The following RGS14 variants were observed in gnomAD, a reference collection of about 807,000 sequenced individuals.
RGS14 encodes regulator of G-protein signaling 14.
RGS14 carries 33 observed loss-of-function variants against 63.8 expected under a neutral mutation model. That is an observed-to-expected ratio of 0.52 (90% CI 0.39 to 0.69). RGS14 has a LOEUF of 0.69. Among genes scored for constraint, RGS14 ranks in the 30% least tolerant of loss-of-function variants. The pLI, the probability that RGS14 is intolerant of heterozygous loss-of-function variation, is 0.00. For synonymous variants in RGS14, 296 were observed against 320.9 expected (o/e 0.92, Z 0.83); for missense variants, 739 against 742.9 (o/e 0.99, Z 0.06).
At chr5:177,360,885 C>A (rs756962141) in intron 1 of RGS14, among the ~76,000 whole-genome samples, 1 of 152,222 alleles carries the variant, frequency 6.6e-6, no homozygotes, top group Non-Finnish European at 1.5e-5. Context: ...TGCACTCCAG[C>A]CTGGCGACAG....
In RGS14 at chr5:177,371,389, G is replaced by A. The variant is rs1581625076; in HGVS notation, c.1376G>A (p.Arg459His). 5.0e-6 allele frequency: 8 copies of A among 1,614,074 alleles called. No individual in the cohort carries two copies. Among genetic ancestry groups the A allele is most frequent in the Non-Finnish European group, 4.2e-6 (5 of 1,179,984 alleles). The change falls in exon 13 of 15, where the codon CGC (arginine) becomes CAC (histidine). Residue 459 changes from arginine to histidine, a missense_variant. Arg to His is a conservative substitution (Grantham distance 29). Coordinates refer to ENST00000408923, the MANE Select transcript of RGS14 (RefSeq NM_006480.5). The surrounding 1 kb of genome is among the most constrained non-coding windows in gnomAD (Gnocchi z 6.1). ...AAAGCCCGTGACAAATCTCCCTGCC[G>A]CAGCCAGGTGAGCGAAAGGCGAGTG... The part of the protein sequence containing the change: ...ISKARDKSPC[R>H]SQGCPPRTQD...
chr5:177,370,772 T>G, intron 10 of RGS14, 108 bp downstream of exon 10: 3 of 1,083,850 alleles, frequency 2.8e-6, no homozygotes, highest in Non-Finnish European at 3.9e-6. Flanking sequence ...GCCCCGCCCC[T>G]GGGACAAACC....
chr5:177,366,369 A>AC lies in RGS14; in HGVS notation c.246+14_246+15insC. The AC allele has an allele frequency of 6.5e-7, 1 of 1,531,812 alleles. No individual in the cohort carries two copies. The allele number at this position is 1,531,812 out of a possible 1,614,324, so 94.9% of individuals were successfully genotyped here. On this transcript the variant is annotated intron_variant, in intron 3 of 14. Coordinates refer to ENST00000408923, the MANE Select transcript of RGS14 (RefSeq NM_006480.5). Reference sequence around the variant, plus strand: ...GCTTACTTCACTGTAAGCCTGGGGTAGGGAAAGGGAAGGGGGGACACGGGA... The same window carrying AC: ...GCTTACTTCACTGTAAGCCTGGGGTACGGGAAAGGGAAGGGGGGACACGGGA...
rs1237249290 is a variant in RGS14 at position 177,364,514 on chromosome 5, G to T, written c.46-1449G>T. 6.6e-6 allele frequency among the ~76,000 whole-genome samples: 1 copy of T among 152,144 alleles called. No individual in the cohort carries two copies. Among genetic ancestry groups the T allele is most frequent in the Admixed American group, 6.5e-5 (1 of 15,278 alleles). On this transcript the variant is annotated intron_variant, in intron 1 of 14. Transcript: ENST00000408923. This position sits in a 1 kb window ranked among gnomAD's most constrained non-coding sequence, Gnocchi z 4.6. ...GGCTGCCTGGCCCTGCCCTCCTCGC[G>T]CACACCCTGAGCCTCTGTCCTGCCC...
In RGS14 at chr5:177,371,075, G is replaced by GGGGCGGGGCGGGGCGGGGCC. The variant is rs1561618740; in HGVS notation, c.1254+48_1254+49insGGGGCGGGGCGGGGCCGGGC. 16 of 176,688 alleles carry GGGGCGGGGCGGGGCGGGGCC rather than the reference G, an allele frequency of 9.1e-5. No homozygotes were observed. The African/African-American group carries it at 1.4e-3, about 16-fold the overall frequency. 10.9% of individuals were successfully genotyped at this position (176,688 alleles called of 1,614,324 possible). A position where few individuals can be genotyped will look rare whatever the true frequency, so the allele number is the denominator to read the frequency against. Reference sequence around the variant, plus strand: ...GGGCGGGGCGGGGCGGGGCCGGGCCGGGGCCGGGGCCGGGGCCGGGGCCGG... The same window carrying GGGGCGGGGCGGGGCGGGGCC: ...GGGCGGGGCGGGGCGGGGCCGGGCCGGGGCGGGGCGGGGCGGGGCCGGGCCGGGGCCGGGGCCGGGGCCGG... On this transcript the variant is annotated intron_variant, in intron 11 of 14. Coordinates refer to ENST00000408923, the MANE Select transcript of RGS14 (RefSeq NM_006480.5). This position sits in a 1 kb window ranked among gnomAD's most constrained non-coding sequence, Gnocchi z 6.1.
rs915637729 is a variant in RGS14, at chr5:177,369,765, G to A, written c.1054-826G>A. On this transcript the variant is annotated intron_variant, in intron 9 of 14. Transcript: ENST00000408923. Reference sequence around the variant, plus strand: ...TCAGGGGCCTGGAGTGCAGGGGTGCGAGGGCAGTAGTGGGAGGCATTTTGC... The same window carrying A: ...TCAGGGGCCTGGAGTGCAGGGGTGCAAGGGCAGTAGTGGGAGGCATTTTGC... 3.9e-5 allele frequency among the ~76,000 whole-genome samples: 6 copies of A among 152,230 alleles called. No individual in the cohort carries two copies. The East Asian group carries it at 5.8e-4, about 15-fold the overall frequency.
rs1437031089 is a variant in RGS14, at chr5:177,358,142, C to G, written c.45+73C>G. On this transcript the variant is annotated intron_variant, in intron 1 of 14. Coordinates refer to ENST00000408923, the MANE Select transcript of RGS14 (RefSeq NM_006480.5). The surrounding 1 kb of genome is among the most constrained non-coding windows in gnomAD (Gnocchi z 4.8). Reference sequence around the variant, plus strand: ...CCAGGGTGGAGCCCAGGAGGCACACCCGGCAGGGCCAGGCAAGAGCCCACG... The same window carrying G: ...CCAGGGTGGAGCCCAGGAGGCACACGCGGCAGGGCCAGGCAAGAGCCCACG... 3.3e-6 allele frequency: 4 copies of G among 1,215,464 alleles called. No individual in the cohort carries two copies. The highest frequency in any genetic ancestry group is 1.6e-5 in the African/African-American group (1 of 63,602). 75.3% of individuals were successfully genotyped at this position (1,215,464 alleles called of 1,614,324 possible). A position where few individuals can be genotyped will look rare whatever the true frequency, so the allele number is the denominator to read the frequency against.
intron 1 of RGS14, 68 bp from the exon 2 acceptor site, chr5:177,365,895 G>C: frequency 4.6e-6 from 7 of 1,524,410 alleles, no homozygotes; most frequent in Non-Finnish European, 5.5e-6. Context: ...CCTGGGAGTC[G>C]GGCCCAGAAC....
At chr5:177,365,531 A>T (rs1478779042) in intron 1 of RGS14, among the ~76,000 whole-genome samples, 2 of 152,192 alleles carry the variant, frequency 1.3e-5, no homozygotes, top group Non-Finnish European at 2.9e-5. Flanking sequence ...AACTGACTTG[A>T]TCTTTACATC....
chr5:177,358,201 C>A lies in RGS14; in HGVS notation c.45+132C>A. 1.4e-6 allele frequency: 1 copy of A among 700,376 alleles called. No homozygotes were observed. Among genetic ancestry groups the A allele is most frequent in the Non-Finnish European group, 2.0e-6 (1 of 491,894 alleles). The allele number at this position is 700,376 out of a possible 1,614,324, so 43.4% of individuals were successfully genotyped here. A position where few individuals can be genotyped will look rare whatever the true frequency, so the allele number is the denominator to read the frequency against. On this transcript the variant is annotated intron_variant, in intron 1 of 14. Transcript: ENST00000408923. The surrounding 1 kb of genome is among the most constrained non-coding windows in gnomAD (Gnocchi z 4.8). Reference sequence around the variant, plus strand: ...GCAGGCGAGAGAAGTTGGGTACAGACAGCAGCAGGTGGTAGGACCTGGTGC... The same window carrying A: ...GCAGGCGAGAGAAGTTGGGTACAGAAAGCAGCAGGTGGTAGGACCTGGTGC...
In RGS14 at chr5:177,367,798, C is replaced by A. The variant is rs376051710; in HGVS notation, c.712C>A (p.Arg238Ser). 8.8e-5 allele frequency: 141 copies of A among 1,605,058 alleles called. No homozygotes were observed. The highest frequency in any genetic ancestry group is 1.9e-4 in the Admixed American group (11 of 58,244). ...QLPPVEGPGG[R>S]PLRKSFRREL... ...GCCACCCGTTGAGGGTCCTGGGGGC[C>A]GCCCTCTCCGCAAGTCCTTCCGCCG... Residue 238 changes from arginine (R) to serine (S), a missense_variant, in exon 7 of 15, where the codon CGC becomes AGC. Coordinates refer to ENST00000408923, the MANE Select transcript of RGS14 (RefSeq NM_006480.5).
chr5:177,364,244 G>C lies in RGS14; in HGVS notation c.46-1719G>C, dbSNP rs562588528. Among the ~76,000 whole-genome samples the C allele has an allele frequency of 1.3e-5, 2 of 152,244 alleles. No individual in the cohort carries two copies. Among genetic ancestry groups the C allele is most frequent in the Admixed American group, 1.3e-4 (2 of 15,294 alleles). On this transcript the variant is annotated intron_variant, in intron 1 of 14. Transcript: ENST00000408923. This position sits in a 1 kb window ranked among gnomAD's most constrained non-coding sequence, Gnocchi z 4.6. ...TGTTTCCAGTTGGGATGGGAATAAG[G>C]GGCTGGTGGTAGGAACTTCTGTGAC...
At position 177,368,326 on chromosome 5, in the gene RGS14, AT is replaced by A. The variant is rs35721265; in HGVS notation, c.849+63del. On this transcript the variant is annotated intron_variant, in intron 8 of 14. Transcript: ENST00000408923. Reference sequence around the variant, plus strand: ...TGGGCTAGAGTCACTACTCAGGCCCATTTACGTGGTGGCCCTCATTCCAAGT... The same window carrying A: ...TGGGCTAGAGTCACTACTCAGGCCCATTACGTGGTGGCCCTCATTCCAAGT... The A allele has an allele frequency of 3.1e-5, 46 of 1,508,090 alleles. 1 individual carries two copies. The East Asian group carries it at 1.1e-3, about 35-fold the overall frequency. 93.4% of individuals were successfully genotyped at this position (1,508,090 alleles called of 1,614,324 possible). A position where few individuals can be genotyped will look rare whatever the true frequency, so the allele number is the denominator to read the frequency against.
chr5:177,372,408 G>T lies in RGS14; in HGVS notation c.*333G>T. The T allele has an allele frequency of 3.4e-6, 1 of 290,578 alleles. No homozygotes were observed. 18.0% of individuals were successfully genotyped at this position (290,578 alleles called of 1,614,324 possible). ...CCCCAGCCTGTGCCAAGCTTCAACA[G>T]GGGCAAGAGGAGGGGCCGGCCCCTC... On this transcript the variant is annotated 3_prime_UTR_variant, in exon 15 of 15. Coordinates refer to ENST00000408923, the MANE Select transcript of RGS14 (RefSeq NM_006480.5).
chr5:177,363,893 G>A (rs1219122147), intron 1 of RGS14, among the ~76,000 whole-genome samples: 1 of 152,198 alleles, frequency 6.6e-6, no homozygotes. Context: ...CCCTTTTGGG[G>A]AAGGTGGTGG....
At chr5:177,365,870 A>G (rs1762078170) in intron 1 of RGS14, 93 bp from the exon 2 acceptor site, 1 of 1,289,206 alleles carries the variant, frequency 7.8e-7, no homozygotes, top group Non-Finnish European at 1.1e-6. Context: ...GGTGGAGGAG[A>G]ACGCAGTTCC....
At position 177,358,338 on chromosome 5, in the gene RGS14, C is replaced by A. The variant is rs71601357; in HGVS notation, c.45+269C>A. ...CCAGCCCCCACCACTCCCTCACCTGCTGCATCTGGGGCTGCATCCCAGGGT... is the reference window on the plus strand; with the variant it reads ...CCAGCCCCCACCACTCCCTCACCTGATGCATCTGGGGCTGCATCCCAGGGT... On this transcript the variant is annotated intron_variant, in intron 1 of 14. Coordinates refer to ENST00000408923, the MANE Select transcript of RGS14 (RefSeq NM_006480.5). This position sits in a 1 kb window ranked among gnomAD's most constrained non-coding sequence, Gnocchi z 4.8. Among the ~76,000 whole-genome samples the A allele has an allele frequency of 6.6e-6, 1 of 152,194 alleles. No homozygotes were observed. Among genetic ancestry groups the A allele is most frequent in the Non-Finnish European group, 1.5e-5 (1 of 68,016 alleles).
rs573794635 is a variant in RGS14, at chr5:177,359,401, C to T, written c.45+1332C>T. The stretch of plus-strand genomic sequence containing the variant: ...CTTCGCTCGTCCTTGCCTAGGCGAC[C>T]GGGCCAGGAAGCCAAGGAGGCTAAC... On this transcript the variant is annotated intron_variant, in intron 1 of 14. Transcript: ENST00000408923. This position sits in a 1 kb window ranked among gnomAD's most constrained non-coding sequence, Gnocchi z 4.4. Among the ~76,000 whole-genome samples, 78 of 152,318 alleles carry T rather than the reference C, an allele frequency of 5.1e-4. No homozygotes were observed. The highest frequency in any genetic ancestry group is 1.7e-3 in the African/African-American group (71 of 41,564).
In RGS14 at chr5:177,358,928, C is replaced by T. The variant is rs185629260; in HGVS notation, c.45+859C>T. On this transcript the variant is annotated intron_variant, in intron 1 of 14. Transcript: ENST00000408923. This position sits in a 1 kb window ranked among gnomAD's most constrained non-coding sequence, Gnocchi z 4.8. The stretch of plus-strand genomic sequence containing the variant: ...CTCTATAGAGACCTGGGTTCCAGTC[C>T]TGGTTCTATTCTCTCTTACTGGAGG... Among the ~76,000 whole-genome samples the T allele has an allele frequency of 1.3e-5, 2 of 152,370 alleles. No individual in the cohort carries two copies. Among genetic ancestry groups the T allele is most frequent in the East Asian group, 3.9e-4 (2 of 5,192 alleles).
Sources: gnomAD v4.1 joint callset for allele counts (sites outside exome capture counted in the v4.1 genomes callset) on GRCh38, gnomAD v4.1.1 for gene constraint, Gnocchi (gnomAD v3.1) non-coding constraint, MANE v1.5 for transcripts, NCBI Gene and HGNC (gene_info 2026-07-23, HGNC 2026-07-21) for gene names.